Variants in MRTFB observed in about 807,000 individuals in gnomAD.
MRTFB encodes the protein myocardin-related transcription factor B.
A neutral mutation model predicts 104.2 loss-of-function variants in MRTFB; 29 were observed. The ratio of observed to expected loss-of-function variants is 0.28; its 90% confidence interval spans 0.21 to 0.38. The LOEUF is 0.38. Among genes scored for constraint, MRTFB ranks in the 10% least tolerant of loss-of-function variants. The pLI, the probability that MRTFB is intolerant of heterozygous loss-of-function variation, is 1.00. For missense variants in MRTFB, 1,270 were observed against 1,341.6 expected (o/e 0.95, Z 0.83); for synonymous variants, 535 against 519.5 (o/e 1.03, Z -0.41).
intron 3 of MRTFB, among the ~76,000 whole-genome samples, chr16:14,185,343 C>T (rs913985299): frequency 1.3e-5 from 2 of 152,192 alleles, no homozygotes; most frequent in Non-Finnish European, 2.9e-5. Context: ...TCCAGACCCA[C>T]CTGTGTTTAA....
intron 3 of MRTFB, among the ~76,000 whole-genome samples, chr16:14,145,656 C>A (rs568200823): frequency 1.3e-5 from 2 of 152,302 alleles, no homozygotes; most frequent in African/African-American, 4.8e-5. Flanking sequence ...CAAGTGAGGC[C>A]TTAATGAAGG....
intron 2 of MRTFB, among the ~76,000 whole-genome samples, chr16:14,129,001 A>T (rs2037303746): frequency 6.6e-6 from 1 of 152,226 alleles, no homozygotes; most frequent in South Asian, 2.1e-4. Context: ...CTTTTCCAGC[A>T]TGTCCAAGTA....
chr16:14,024,378 T>C, the MRTFB span, among the ~76,000 whole-genome samples: 1 of 152,218 alleles, frequency 6.6e-6, no homozygotes, highest in African/African-American at 2.4e-5. Context: ...TACTGGTCCC[T>C]TCTCTCCTTC....
intron 3 of MRTFB, among the ~76,000 whole-genome samples, chr16:14,174,101 T>C (rs904850028): frequency 1.3e-5 from 2 of 152,192 alleles, no homozygotes; most frequent in South Asian, 2.1e-4. Flanking sequence ...GAGGATTCTA[T>C]GTATATTTGA....
At chr16:14,022,074 C>T in the MRTFB span, among the ~76,000 whole-genome samples, 2 of 151,906 alleles carry the variant, frequency 1.3e-5, no homozygotes, top group African/African-American at 4.8e-5. Context: ...TATGTTGGGC[C>T]CACCAAAAAA....
intron 3 of MRTFB, chr16:14,200,757 C>CA: frequency 6.8e-7 from 1 of 1,480,640 alleles, no homozygotes; most frequent in Non-Finnish European, 9.4e-7. Context: ...GTTGCCTGTC[C>CA]AGTGCTGTGG....
At position 14,263,995 on chromosome 16, in the gene MRTFB, A is replaced by G. The variant is rs1259864345; in HGVS notation, c.*2551A>G. Reference sequence around the variant, plus strand: ...CTCATGTGACATGACCAAAGATGATACTCTGTAAACAAGGCCCTTCTGACC... The same window carrying G: ...CTCATGTGACATGACCAAAGATGATGCTCTGTAAACAAGGCCCTTCTGACC... On this transcript the variant is annotated 3_prime_UTR_variant, in exon 17 of 17. Coordinates refer to ENST00000571589, the MANE Select transcript of MRTFB (RefSeq NM_001308142.2). The G allele has an allele frequency of 6.6e-6, 1 of 152,052 alleles. No individual in the cohort carries two copies. The highest frequency in any genetic ancestry group is 2.4e-5 in the African/African-American group (1 of 41,376). 9.4% of individuals were successfully genotyped at this position (152,052 alleles called of 1,614,324 possible). A position where few individuals can be genotyped will look rare whatever the true frequency, so the allele number is the denominator to read the frequency against.
At chr16:14,203,509 G>T (rs1046836513) in intron 3 of MRTFB, among the ~76,000 whole-genome samples, 4 of 152,008 alleles carry the variant, frequency 2.6e-5, no homozygotes, top group African/African-American at 9.7e-5. Flanking sequence ...GTTTCCTTTA[G>T]GGGGAAAAGG....
At chr16:14,185,697 C>G (rs2039928186) in intron 3 of MRTFB, among the ~76,000 whole-genome samples, 1 of 150,582 alleles carries the variant, frequency 6.6e-6, no homozygotes. Flanking sequence ...AAGGACAAAA[C>G]AGAACCTCAT....
intron 2 of MRTFB, among the ~76,000 whole-genome samples, chr16:14,122,838 T>C (rs1161461661): frequency 6.6e-6 from 1 of 152,214 alleles, no homozygotes; most frequent in African/African-American, 2.4e-5. Flanking sequence ...ATTGTATTTC[T>C]AGTTCTAGAT....
chr16:14,250,901 C>T (rs1354644771), intron 13 of MRTFB, among the ~76,000 whole-genome samples: 1 of 152,048 alleles, frequency 6.6e-6, no homozygotes, highest in African/African-American at 2.4e-5. Flanking sequence ...AAAAGCAGAA[C>T]CAAGAATTAT....
chr16:14,176,468 A>T (rs2039587536), intron 3 of MRTFB, among the ~76,000 whole-genome samples: 1 of 152,212 alleles, frequency 6.6e-6, no homozygotes, highest in Non-Finnish European at 1.5e-5. Context: ...TACAAATGTG[A>T]TTTCTGTGAC....
In MRTFB at chr16:14,140,626, T is replaced by C. The variant is rs1465110043; in HGVS notation, c.20T>C (p.Ile7Thr). 3 of 1,614,084 alleles carry C rather than the reference T, an allele frequency of 1.9e-6. No individual in the cohort carries two copies. The highest frequency in any genetic ancestry group is 1.7e-5 in the Admixed American group (1 of 60,004). The change falls in exon 3 of 17, where the codon ATA becomes ACA. Residue 7 changes from isoleucine (I) to threonine (T), a missense_variant. Coordinates refer to ENST00000571589, the MANE Select transcript of MRTFB (RefSeq NM_001308142.2). Reference sequence around the variant, plus strand: ...AACACAATGGATCACACAGGGGCGATAGACACCGAGGATGAAGTGGGACCT... The same window carrying C: ...AACACAATGGATCACACAGGGGCGACAGACACCGAGGATGAAGTGGGACCT... Reference protein sequence around the residue: MDHTGAIDTEDEVGPLA... With the variant: MDHTGATDTEDEVGPLA...
chr16:14,139,585 C>A (rs1445152158), intron 2 of MRTFB, among the ~76,000 whole-genome samples: 1 of 152,192 alleles, frequency 6.6e-6, no homozygotes, highest in Non-Finnish European at 1.5e-5. Flanking sequence ...CATGCTTTTA[C>A]TTCTCTTGGG....
chr16:14,266,111 A>C lies in MRTFB; in HGVS notation c.*4667A>C, dbSNP rs778011953. 2.6e-5 allele frequency: 4 copies of C among 152,246 alleles called. No individual in the cohort carries two copies. The highest frequency in any genetic ancestry group is 4.4e-5 in the Non-Finnish European group (3 of 68,044). The allele number at this position is 152,246 out of a possible 1,614,324, so 9.4% of individuals were successfully genotyped here. A position where few individuals can be genotyped will look rare whatever the true frequency, so the allele number is the denominator to read the frequency against. ...CCAAAGGCATTGCCAAGTATTTGCC[A>C]AAAGGAGGCACTTTTTATTTAAAAT... is the stretch of plus-strand genomic sequence containing the variant. On this transcript the variant is annotated 3_prime_UTR_variant, in exon 17 of 17. Coordinates refer to ENST00000571589, the MANE Select transcript of MRTFB (RefSeq NM_001308142.2).
intron 2 of MRTFB, among the ~76,000 whole-genome samples, chr16:14,108,509 G>A (rs890901745): frequency 2.0e-5 from 3 of 152,180 alleles, no homozygotes; most frequent in African/African-American, 7.2e-5. Flanking sequence ...GTCTGGCTGT[G>A]TACATGTTAG....
the MRTFB span, among the ~76,000 whole-genome samples, chr16:14,014,172 A>G: frequency 1.3e-5 from 2 of 152,288 alleles, no homozygotes; most frequent in Admixed American, 6.5e-5. Flanking sequence ...GTGTTTCCCA[A>G]TTGCGTGGAG....
At chr16:14,003,498 C>T in the MRTFB span, among the ~76,000 whole-genome samples, 1 of 152,184 alleles carries the variant, frequency 6.6e-6, no homozygotes, top group Admixed American at 6.5e-5. Context: ...AGAGCCACAG[C>T]AGTGCAATGG....
upstream of MRTFB, among the ~76,000 whole-genome samples, chr16:14,068,921 A>C (rs1189064633): frequency 1.4e-5 from 2 of 141,764 alleles, no homozygotes; most frequent in African/African-American, 5.3e-5. Flanking sequence ...CCAGGACACT[A>C]TCTTCTCCTG....
Sources: allele counts gnomAD v4.1 joint callset (sites outside exome capture counted in the v4.1 genomes callset), GRCh38; gene constraint gnomAD v4.1.1; transcripts MANE v1.5; gene names NCBI Gene and HGNC (gene_info 2026-07-23, HGNC 2026-07-21).